Variants in ZNF562 observed in about 807,000 individuals in gnomAD.
ZNF562 encodes zinc finger protein 562.
Under a neutral mutation model 17.5 loss-of-function variants are expected in ZNF562, and 13 were observed. The observed-to-expected ratio is 0.74, with a 90% CI of 0.48 to 1.18. The LOEUF is 1.18. Among genes scored for constraint, ZNF562 ranks in the 50% most tolerant of loss-of-function variants. ZNF562 has a pLI of 0.00. For synonymous variants in ZNF562, 163 were observed against 165.4 expected (o/e 0.99, Z 0.11); for missense variants, 481 against 498.5 (o/e 0.96, Z 0.33).
At chr19:9,668,285 G>A (rs2044025694) in intron 1 of ZNF562, among the ~76,000 whole-genome samples, 1 of 152,010 alleles carries the variant, frequency 6.6e-6, no homozygotes, top group African/African-American at 2.4e-5. Flanking sequence ...ACTGAGGCAG[G>A]AGGATTCCTT....
rs2074905834 is a variant in ZNF562, at chr19:9,653,440, T to A, written c.790A>T (p.Asn264Tyr). The stretch of plus-strand genomic sequence containing the variant: ...AAATTAGTGAAGGATTTCCCACAGT[T>A]CTTAGTCTTTTCGGATTTCTTTCCA... ...HTGKKSEKTKNCGKSFTNFSQ... is the reference protein window; with the variant it reads ...HTGKKSEKTKYCGKSFTNFSQ... The change falls in exon 6 of 6, where the codon AAC (asparagine) becomes TAC (tyrosine). Residue 264 changes from asparagine (N) to tyrosine (Y), a missense_variant. By Grantham distance (143) the Asn-to-Tyr change is moderately radical. This residue lies in a region of ZNF562 where 403 missense variants were observed against 386.4 expected (regional missense o/e 1.04). Coordinates refer to ENST00000453372, the MANE Select transcript of ZNF562 (RefSeq NM_001130031.2). 6.2e-7 allele frequency: 1 copy of A among 1,614,198 alleles called. No individual in the cohort carries two copies. Among genetic ancestry groups the A allele is most frequent in the South Asian group, 1.1e-5 (1 of 91,082 alleles).
Position 9,648,310 on chromosome 19 carries a change from T to A in ZNF562, c.*4639A>T, listed in dbSNP as rs543216852. ...CAAATACCACATTTATTTAATTTAA[T>A]TTATTTATTTTTGACAGAGTCGCAC... On this transcript the variant is annotated 3_prime_UTR_variant, in exon 6 of 6. Coordinates refer to ENST00000453372, the MANE Select transcript of ZNF562 (RefSeq NM_001130031.2). 4 of 152,218 alleles carry A rather than the reference T, an allele frequency of 2.6e-5. No individual in the cohort carries two copies. The highest frequency in any genetic ancestry group is 9.6e-5 in the African/African-American group (4 of 41,454). 9.4% of individuals were successfully genotyped at this position (152,218 alleles called of 1,614,324 possible).
rs1774625362 is a variant in ZNF562 at position 9,653,708 on chromosome 19, T to C, written c.522A>G (p.Glu174=). ...TTCCACATGGATTAAATTTGGAAAGTTCTTGTCCAATAGAGGCTTCCTTGT... is the reference window on the plus strand; with the variant it reads ...TTCCACATGGATTAAATTTGGAAAGCTCTTGTCCAATAGAGGCTTCCTTGT... ...SVHKEASIGQ[E]LSKFNPCGKV... Residue 174 remains glutamate, a synonymous_variant, in exon 6 of 6, where the codon GAA becomes GAG. Transcript: ENST00000453372. The C allele has an allele frequency of 6.2e-7, 1 of 1,613,980 alleles. No homozygotes were observed. The highest frequency in any genetic ancestry group is 1.3e-5 in the African/African-American group (1 of 74,936).
chr19:9,642,324 A>G lies in ZNF562; in HGVS notation c.*10625T>C, dbSNP rs746635663. ...AAAAAACAGGGTTTCACTCTGTCAC[A>G]CAGGCTGAAGTATAGTGGCATTATC... On this transcript the variant is annotated 3_prime_UTR_variant, in exon 6 of 6. Transcript: ENST00000453372. 1.3e-4 allele frequency: 19 copies of G among 150,560 alleles called. No individual in the cohort carries two copies. The highest frequency in any genetic ancestry group is 2.7e-4 in the Non-Finnish European group (18 of 67,864). 9.3% of individuals were successfully genotyped at this position (150,560 alleles called of 1,614,324 possible).
At chr19:9,661,720 G>A (rs781709765) in intron 1 of ZNF562, among the ~76,000 whole-genome samples, 6 of 152,242 alleles carry the variant, frequency 3.9e-5, no homozygotes, top group Middle Eastern at 3.4e-3. Flanking sequence ...GCTTGACCCC[G>A]GGAGGTGGAG....
rs1235572882 is a variant in ZNF562 at position 9,645,160 on chromosome 19, A to T, written c.*7789T>A. On this transcript the variant is annotated 3_prime_UTR_variant, in exon 6 of 6. Transcript: ENST00000453372. The stretch of plus-strand genomic sequence containing the variant: ...CCTCCCAGGTTGAAGTGATTCTCCC[A>T]TCTCAGCCCCCAAGTAGCTGGGACT... 6.6e-6 allele frequency: 1 copy of T among 151,328 alleles called. No homozygotes were observed. The highest frequency in any genetic ancestry group is 1.5e-5 in the Non-Finnish European group (1 of 67,908). The allele number at this position is 151,328 out of a possible 1,614,324, so 9.4% of individuals were successfully genotyped here. A position where few individuals can be genotyped will look rare whatever the true frequency, so the allele number is the denominator to read the frequency against.
intron 1 of ZNF562, among the ~76,000 whole-genome samples, chr19:9,663,620 C>T (rs927839165): frequency 2.0e-5 from 3 of 151,936 alleles, no homozygotes; most frequent in Non-Finnish European, 4.4e-5. Context: ...GCTCTTATCG[C>T]CCAGGCTAGA....
rs569962203 is a variant in ZNF562 at position 9,659,360 on chromosome 19, C to T, written c.114+19G>A. On this transcript the variant is annotated intron_variant, in intron 3 of 5. Coordinates refer to ENST00000453372, the MANE Select transcript of ZNF562 (RefSeq NM_001130031.2). ...GATGTAAGTATGTCATTTTGTACAA[C>T]GGTACATTTTCTGTTTACCTGGTAA... The T allele has an allele frequency of 6.9e-5, 107 of 1,542,446 alleles. No individual in the cohort carries two copies. Among genetic ancestry groups the T allele is most frequent in the African/African-American group, 1.9e-4 (14 of 72,962 alleles).
chr19:9,672,419 T>C (rs1894066955), intron 1 of ZNF562, among the ~76,000 whole-genome samples: 1 of 152,142 alleles, frequency 6.6e-6, no homozygotes, highest in Admixed American at 6.6e-5. Flanking sequence ...TACACTCAAA[T>C]TGTTCACTGT....
chr19:9,674,413 A>G (rs917377789), intron 1 of ZNF562, among the ~76,000 whole-genome samples: 2 of 151,926 alleles, frequency 1.3e-5, no homozygotes, highest in African/African-American at 4.8e-5. Context: ...GAAATTTAAA[A>G]CTCATATCTA....
chr19:9,660,660 T>C (rs902555169), intron 2 of ZNF562, 60 bp downstream of exon 2: 2 of 1,578,660 alleles, frequency 1.3e-6, no homozygotes, highest in Non-Finnish European at 1.7e-6. Flanking sequence ...ACTGGACTCT[T>C]ATGTTGTGGA....
chr19:9,656,926 G>A (rs2043513437), intron 4 of ZNF562, among the ~76,000 whole-genome samples: 2 of 150,290 alleles, frequency 1.3e-5, no homozygotes, highest in Non-Finnish European at 3.0e-5. Flanking sequence ...TGTAGTCCCA[G>A]CTACTCAGGA....
chr19:9,660,641 G>T (rs2043701433), intron 2 of ZNF562, 79 bp downstream of exon 2: 2 of 1,453,494 alleles, frequency 1.4e-6, no homozygotes, highest in Non-Finnish European at 1.9e-6. Context: ...GCCTGTTCAG[G>T]CCCAGCTCAC....
At chr19:9,661,301 C>T (rs546910081) in intron 1 of ZNF562, among the ~76,000 whole-genome samples, 5 of 152,062 alleles carry the variant, frequency 3.3e-5, no homozygotes, top group Admixed American at 6.6e-5. Context: ...AGGTGTGCAT[C>T]GTCAAGCCTT....
rs1447142920 is a variant in ZNF562, at chr19:9,649,719, C to A, written c.*3230G>T. 5 of 152,148 alleles carry A rather than the reference C, an allele frequency of 3.3e-5. No homozygotes were observed. The highest frequency in any genetic ancestry group is 7.3e-5 in the Non-Finnish European group (5 of 68,034). The allele number at this position is 152,148 out of a possible 1,614,324, so 9.4% of individuals were successfully genotyped here. A position where few individuals can be genotyped will look rare whatever the true frequency, so the allele number is the denominator to read the frequency against. ...TAAGATGTTATCAATGACAATGGTG[C>A]CCAAAACTTCATTAGCAATTTTAAT... On this transcript the variant is annotated 3_prime_UTR_variant, in exon 6 of 6. Coordinates refer to ENST00000453372, the MANE Select transcript of ZNF562 (RefSeq NM_001130031.2).
Position 9,653,870 on chromosome 19 carries a change from G to T in ZNF562, c.360C>A (p.Ser120Arg). 1 of 1,571,398 alleles carries T rather than the reference G, an allele frequency of 6.4e-7. No homozygotes were observed. The highest frequency in any genetic ancestry group is 2.2e-5 in the East Asian group (1 of 44,542). The change falls in exon 6 of 6, where the codon AGC becomes AGA. Residue 120 changes from serine (S) to arginine (R), a missense_variant. Around this residue, in one of 2 missense-constraint regions of ZNF562, gnomAD observed 403 missense variants for 386.4 expected, o/e 1.04. Coordinates refer to ENST00000453372, the MANE Select transcript of ZNF562 (RefSeq NM_001130031.2). ...IFTGIQMQTR[S>R]YSGWKLCENC... ...TCTCACAGAGTTTCCATCCACTGTA[G>T]CTTCTTGTCTGCTGATGAGGGGATA...
rs10417926 is a variant in ZNF562, at chr19:9,658,248, C to T, written c.115-113G>A. ...ACTTATACGTGGTTCTCAAGTCTCC[C>T]ATGATCTACTCCAGGGTTTAATGTC... On this transcript the variant is annotated intron_variant, in intron 3 of 5. Transcript: ENST00000453372. 1.6e-3 allele frequency: 2,215 copies of T among 1,408,054 alleles called. 27 individuals are homozygous for T. The African/African-American group carries it at 0.029, about 19-fold the overall frequency. 87.2% of individuals were successfully genotyped at this position (1,408,054 alleles called of 1,614,324 possible).
rs1230512366 is a variant in ZNF562, at chr19:9,658,099, T to C, written c.151A>G (p.Thr51Ala). 2 of 1,613,392 alleles carry C rather than the reference T, an allele frequency of 1.2e-6. No homozygotes were observed. The highest frequency in any genetic ancestry group is 8.5e-7 in the Non-Finnish European group (1 of 1,179,684). The stretch of plus-strand genomic sequence containing the variant: ...TCCAGTAAAGCCCACTCCTCTGGGG[T>C]GAACTCCACAGCCACATCATCAAAC... ...VTFDDVAVEFTPEEWALLDTT... is the reference protein window; with the variant it reads ...VTFDDVAVEFAPEEWALLDTT... Residue 51 changes from threonine to alanine, a missense_variant, in exon 4 of 6, where the codon ACC becomes GCC. Around this residue, in one of 2 missense-constraint regions of ZNF562, gnomAD observed 403 missense variants for 386.4 expected, o/e 1.04. Transcript: ENST00000453372.
rs1379203566 is a variant in ZNF562, at chr19:9,648,329, G to A, written c.*4620C>T. 6.6e-6 allele frequency: 1 copy of A among 152,150 alleles called. No homozygotes were observed. Among genetic ancestry groups the A allele is most frequent in the Non-Finnish European group, 1.5e-5 (1 of 68,032 alleles). The allele number at this position is 152,150 out of a possible 1,614,324, so 9.4% of individuals were successfully genotyped here. ...ATTTAATTTATTTATTTTTGACAGA[G>A]TCGCACCCTGTCACCCAGCATGGAG... On this transcript the variant is annotated 3_prime_UTR_variant, in exon 6 of 6. Transcript: ENST00000453372.
Sources: allele counts gnomAD v4.1 joint callset (sites outside exome capture counted in the v4.1 genomes callset), GRCh38; gene constraint gnomAD v4.1.1; regional missense constraint gnomAD v4.1.1; transcripts MANE v1.5; gene names NCBI Gene and HGNC (gene_info 2026-07-23, HGNC 2026-07-21).